Variants in KIFC3 observed in about 807,000 individuals in gnomAD.
KIFC3 encodes kinesin-like protein KIFC3.
KIFC3 carries 60 observed loss-of-function variants against 101.8 expected under a neutral mutation model. The ratio of observed to expected loss-of-function variants is 0.59; its 90% CI spans 0.48 to 0.73. KIFC3 has a LOEUF of 0.73. Ranked by LOEUF, KIFC3 falls within the 30% of genes least tolerant of loss-of-function variation. The probability of loss-of-function intolerance (pLI) is 0.00; values close to 1 mark genes in which losing one functional copy is unlikely to be tolerated. For synonymous variants in KIFC3, 476 were observed against 482.7 expected (o/e 0.99, Z 0.18); for missense variants, 966 against 1,137.1 (o/e 0.85, Z 2.16).
intron 3 of KIFC3, among the ~76,000 whole-genome samples, chr16:57,789,621 G>C (rs782776864): frequency 2.0e-5 from 3 of 152,266 alleles, no homozygotes; most frequent in Non-Finnish European, 4.4e-5. Flanking sequence ...GTTCACAACA[G>C]AGAGAACGTG....
chr16:57,771,125 C>A (rs111769288), intron 6 of KIFC3, 73 bp downstream of exon 6: 68 of 1,567,454 alleles, frequency 4.3e-5, no homozygotes, highest in Admixed American at 3.8e-4. Flanking sequence ...GACAAGCCCC[C>A]CTTATGGGCT....
intron 1 of KIFC3, among the ~76,000 whole-genome samples, chr16:57,832,816 C>G (rs1213385147): frequency 6.6e-6 from 1 of 152,194 alleles, no homozygotes. Context: ...TCCTCACTCA[C>G]AGCTTCAGAC....
chr16:57,776,132 CCCA>C (rs1326694164), intron 3 of KIFC3: 6 of 985,482 alleles, frequency 6.1e-6, no homozygotes, highest in African/African-American at 5.2e-5. Flanking sequence ...CTCCTTACCT[CCCA>C]CCAAGCCCAG....
intron 1 of KIFC3, among the ~76,000 whole-genome samples, chr16:57,819,257 C>T (rs1453958929): frequency 1.3e-5 from 2 of 152,158 alleles, no homozygotes; most frequent in Non-Finnish European, 2.9e-5. Flanking sequence ...ATCACTTGAG[C>T]CTAGGAGCTC....
At chr16:57,766,766 GA>G (rs1221141890) in intron 10 of KIFC3, 107 bp downstream of exon 10, 7 of 683,808 alleles carry the variant, frequency 1.0e-5, no homozygotes, top group Non-Finnish European at 1.8e-5. Flanking sequence ...TATCTACAGA[GA>G]TAGGATTAGA....
intron 1 of KIFC3, among the ~76,000 whole-genome samples, chr16:57,833,689 G>C (rs567137925): frequency 1.3e-5 from 2 of 152,208 alleles, no homozygotes; most frequent in East Asian, 3.9e-4. Flanking sequence ...GTTTCCCATC[G>C]TGGTGATGTG....
chr16:57,806,419 C>G (rs552572874), upstream of KIFC3, among the ~76,000 whole-genome samples: 14 of 152,114 alleles, frequency 9.2e-5, no homozygotes, highest in Non-Finnish European at 1.8e-4. Context: ...CACCAGCAGG[C>G]GGGCTCAACT....
At chr16:57,793,004 G>A (rs917258151) in intron 3 of KIFC3, among the ~76,000 whole-genome samples, 2 of 151,768 alleles carry the variant, frequency 1.3e-5, no homozygotes, top group African/African-American at 4.8e-5. Flanking sequence ...ATATAAATAT[G>A]CACTGGGAAC....
intron 6 of KIFC3, 149 bp downstream of exon 6, chr16:57,771,048 GA>G: frequency 9.8e-7 from 1 of 1,018,812 alleles, no homozygotes. Flanking sequence ...ACAGGAAGGG[GA>G]AGGGGCAGGA....
At chr16:57,813,610 A>T (rs1353519906) in intron 1 of KIFC3, 1 of 890,238 alleles carries the variant, frequency 1.1e-6, no homozygotes, top group Non-Finnish European at 1.3e-6. Context: ...TCAAACCTGC[A>T]TGCCTGCCGA....
intron 1 of KIFC3, among the ~76,000 whole-genome samples, chr16:57,837,870 A>T (rs536785382): frequency 6.6e-6 from 1 of 152,224 alleles, no homozygotes; most frequent in South Asian, 2.1e-4. Flanking sequence ...GTGATGGTGA[A>T]CTTGCTTGCT....
chr16:57,775,310 G>A, intron 3 of KIFC3: 2 of 1,205,734 alleles, frequency 1.7e-6, no homozygotes, highest in Non-Finnish European at 2.1e-6. Flanking sequence ...GGCTTCTTGA[G>A]GGCAGCAAAG....
At position 57,829,839 on chromosome 16, in the gene KIFC3, A is replaced by G. The variant is rs78512416; in HGVS notation, c.109-31557T>C. 2.7e-3 allele frequency among the ~76,000 whole-genome samples: 416 copies of G among 152,218 alleles called. 2 individuals are homozygous for G. Among genetic ancestry groups the G allele is most frequent in the African/African-American group, 8.9e-3 (371 of 41,562 alleles). On this transcript the variant is annotated intron_variant, in intron 1 of 2. Transcript: ENST00000563028. Reference sequence around the variant, plus strand: ...ACAGGCATTTGCCCAGCTGGCCACAATCCCTGTGGGCAAGTGTCCCAGGCT... The same window carrying G: ...ACAGGCATTTGCCCAGCTGGCCACAGTCCCTGTGGGCAAGTGTCCCAGGCT...
At chr16:57,828,262 G>A (rs1220677594) in intron 1 of KIFC3, among the ~76,000 whole-genome samples, 1 of 152,248 alleles carries the variant, frequency 6.6e-6, no homozygotes, top group Non-Finnish European at 1.5e-5. Flanking sequence ...TGTGAGGTAG[G>A]AAGCGTGCTT....
intron 1 of KIFC3, among the ~76,000 whole-genome samples, chr16:57,832,319 C>T (rs1293586892): frequency 7.5e-6 from 1 of 134,194 alleles, no homozygotes; most frequent in Non-Finnish European, 1.5e-5. Flanking sequence ...CGGCGCCAGG[C>T]CCTTTTTTTT....
At chr16:57,798,595 C>T in intron 1 of KIFC3, 1 of 469,268 alleles carries the variant, frequency 2.1e-6, no homozygotes, top group South Asian at 2.4e-5. Context: ...AGGTCCTAGC[C>T]CCACACAGAG....
At chr16:57,844,416 G>A (rs2055874614) in intron 1 of KIFC3, among the ~76,000 whole-genome samples, 1 of 129,156 alleles carries the variant, frequency 7.7e-6, no homozygotes, top group Non-Finnish European at 1.6e-5. Context: ...GGGCGACAGA[G>A]CAAGACTCAG....
At chr16:57,760,104 A>C in intron 17 of KIFC3, 178 bp downstream of exon 17, 1 of 781,730 alleles carries the variant, frequency 1.3e-6, no homozygotes, top group Non-Finnish European at 2.0e-6. Context: ...GAGGCCAAGA[A>C]GAAATACCTG....
chr16:57,780,467 T>C (rs1437348285), intron 3 of KIFC3, among the ~76,000 whole-genome samples: 5 of 151,370 alleles, frequency 3.3e-5, no homozygotes, highest in African/African-American at 7.3e-5. Context: ...GCCGAGATCA[T>C]GCCACTTCAC....
Sources: gnomAD v4.1 joint callset for allele counts (sites outside exome capture counted in the v4.1 genomes callset) on GRCh38, gnomAD v4.1.1 for gene constraint, MANE v1.5 for transcripts, NCBI Gene and HGNC (gene_info 2026-07-23, HGNC 2026-07-21) for gene names.